EIF4E3: variants seen among roughly 807,000 people sequenced by gnomAD.
The protein encoded by EIF4E3 is eukaryotic translation initiation factor 4E family member 3, also known as eukaryotic translation initiation factor 4E type 3.
EIF4E3 carries 26 observed loss-of-function variants against 31.7 expected under a neutral mutation model. The observed-to-expected ratio is 0.82, with a 90% CI of 0.60 to 1.14. EIF4E3 has a LOEUF of 1.14. EIF4E3 is among the 50% of genes most tolerant of loss of function. The probability of loss-of-function intolerance (pLI) is 0.00; values close to 1 mark genes in which losing one functional copy is unlikely to be tolerated. For synonymous variants in EIF4E3, 128 were observed against 107.7 expected, an observed-to-expected ratio of 1.19 and a Z score of -1.17; for missense variants, 304 against 270.9, an observed-to-expected ratio of 1.12 and a Z score of -0.86.
At chr3:71,706,357 T>G (rs147899540) in intron 2 of EIF4E3, among the ~76,000 whole-genome samples, 1 of 152,240 alleles carries the variant, frequency 6.6e-6, no homozygotes, top group Non-Finnish European at 1.5e-5. Context: ...CCAAACCATC[T>G]ACTTTGATTT....
intron 5 of EIF4E3, among the ~76,000 whole-genome samples, chr3:71,692,776 T>C (rs1212163116): frequency 3.3e-5 from 5 of 152,090 alleles, no homozygotes; most frequent in Non-Finnish European, 7.4e-5. Flanking sequence ...GCATTTTTTG[T>C]AGAGACAAGG....
At chr3:71,660,138 G>C in the EIF4E3 span, among the ~76,000 whole-genome samples, 1 of 152,156 alleles carries the variant, frequency 6.6e-6, no homozygotes, top group Admixed American at 6.5e-5. Context: ...ACACTCAGTG[G>C]GTAGGACTTG....
At chr3:71,742,428 T>G (rs987236306) in intron 1 of EIF4E3, among the ~76,000 whole-genome samples, 1 of 152,032 alleles carries the variant, frequency 6.6e-6, no homozygotes, top group Non-Finnish European at 1.5e-5. Flanking sequence ...ACCACCAAAA[T>G]GTACTTGGTA....
At chr3:71,672,778 C>A (rs1318616330), downstream of EIF4E3, among the ~76,000 whole-genome samples, 2 of 151,982 alleles carry the variant, frequency 1.3e-5, no homozygotes, top group Admixed American at 6.6e-5. Context: ...TTTAAAACAT[C>A]TTTTTTCTTT....
chr3:71,737,210 A>G (rs1330222048), intron 1 of EIF4E3, among the ~76,000 whole-genome samples: 1 of 152,234 alleles, frequency 6.6e-6, no homozygotes, highest in Non-Finnish European at 1.5e-5. Flanking sequence ...TTGCAACTTC[A>G]GGAAACTTTA....
intron 1 of EIF4E3, among the ~76,000 whole-genome samples, chr3:71,747,160 A>G (rs1280532931): frequency 1.3e-5 from 2 of 152,202 alleles, no homozygotes. Flanking sequence ...TGAAATGGCT[A>G]GGTCATAAGG....
intron 1 of EIF4E3, among the ~76,000 whole-genome samples, chr3:71,718,065 A>C (rs147122442): frequency 8.5e-5 from 13 of 152,358 alleles, no homozygotes; most frequent in African/African-American, 3.1e-4. Context: ...TGTTTCAGCC[A>C]AGAGAACCCA....
intron 1 of EIF4E3, among the ~76,000 whole-genome samples, chr3:71,734,725 A>G (rs774433218): frequency 6.6e-6 from 1 of 152,220 alleles, no homozygotes; most frequent in African/African-American, 2.4e-5. Flanking sequence ...ATGGAAATGA[A>G]TAACTGAATC....
At chr3:71,668,150 G>A in the EIF4E3 span, among the ~76,000 whole-genome samples, 1 of 152,136 alleles carries the variant, frequency 6.6e-6, no homozygotes, top group Admixed American at 6.5e-5. Context: ...ACAAGCAATG[G>A]GGAAATGATT....
chr3:71,702,474 A>G (rs2049231499), intron 2 of EIF4E3, among the ~76,000 whole-genome samples: 1 of 152,124 alleles, frequency 6.6e-6, no homozygotes, highest in Non-Finnish European at 1.5e-5. Flanking sequence ...AAATACAACA[A>G]AACACTTCTT....
intron 2 of EIF4E3, among the ~76,000 whole-genome samples, chr3:71,700,844 C>G (rs1290018512): frequency 1.3e-5 from 2 of 152,106 alleles, no homozygotes; most frequent in African/African-American, 4.8e-5. Context: ...TGTGTCTTCC[C>G]CAGATTCATA....
rs530800372 is a variant in EIF4E3 at position 71,750,983 on chromosome 3, C to T, written c.-291+2480G>A. Among the ~76,000 whole-genome samples the T allele has an allele frequency of 7.9e-3, 1,197 of 152,078 alleles. 16 individuals carry two copies. The highest frequency in any genetic ancestry group is 0.028 in the African/African-American group (1,143 of 41,490). ...TTCACCGTGTTAGCCAGGATAGTCT[C>T]GATCTCCTGACCTCATGATCCACCC... On this transcript the variant is annotated intron_variant, in intron 1 of 7. Transcript: ENST00000295612.
At chr3:71,736,292 T>C (rs1280405529) in intron 1 of EIF4E3, among the ~76,000 whole-genome samples, 5 of 152,222 alleles carry the variant, frequency 3.3e-5, no homozygotes, top group South Asian at 2.1e-4. Context: ...CCAGCAATTA[T>C]ACTCCTTGGT....
At chr3:71,726,724 C>T (rs183805957), upstream of EIF4E3, among the ~76,000 whole-genome samples, 266 of 152,312 alleles carry the variant, frequency 1.7e-3, no homozygotes, top group African/African-American at 5.9e-3. Context: ...ATCAAGGTCA[C>T]ATAAAGTGAC....
chr3:71,693,605 T>C (rs895893597), intron 5 of EIF4E3, among the ~76,000 whole-genome samples: 1 of 152,146 alleles, frequency 6.6e-6, no homozygotes, highest in Non-Finnish European at 1.5e-5. Flanking sequence ...ATAGATACTA[T>C]TAAATTAAGC....
chr3:71,669,612 C>T, the EIF4E3 span, among the ~76,000 whole-genome samples: 1 of 151,746 alleles, frequency 6.6e-6, no homozygotes, highest in African/African-American at 2.4e-5. Flanking sequence ...TCACAAGTCA[C>T]TGATGCATTT....
chr3:71,749,093 T>C (rs1042958594), intron 1 of EIF4E3, among the ~76,000 whole-genome samples: 1 of 152,260 alleles, frequency 6.6e-6, no homozygotes, highest in African/African-American at 2.4e-5. Flanking sequence ...AACCATTTAT[T>C]GCACACGACT....
upstream of EIF4E3, chr3:71,753,662 GGCGGCGGCA>G (rs937588323): frequency 0.021 from 3,117 of 148,898 alleles, 91 homozygotes; most frequent in African/African-American, 0.065. Flanking sequence ...CGGCGGCGGC[GGCGGCGGCA>G]GCGGCGGCAG....
the EIF4E3 span, among the ~76,000 whole-genome samples, chr3:71,669,188 T>C: frequency 1.3e-5 from 2 of 148,780 alleles, no homozygotes; most frequent in Admixed American, 6.7e-5. Flanking sequence ...TAAGTGGGAG[T>C]TGAACAGTGA....
Sources: allele counts gnomAD v4.1 joint callset (sites outside exome capture counted in the v4.1 genomes callset), GRCh38; gene constraint gnomAD v4.1.1; transcripts MANE v1.5; gene names NCBI Gene and HGNC (gene_info 2026-07-23, HGNC 2026-07-21).